Variants in MLLT10 observed in about 807,000 individuals in gnomAD.
MLLT10 encodes the protein MLLT10 histone lysine methyltransferase DOT1L cofactor.
A neutral mutation model predicts 129.1 loss-of-function variants in MLLT10; 30 were observed. That is an observed-to-expected ratio of 0.23 (90% CI 0.17 to 0.32). The LOEUF (loss-of-function observed/expected upper bound fraction) is 0.32. Among genes scored for constraint, MLLT10 ranks in the 10% least tolerant of loss-of-function variants. MLLT10 has a pLI of 1.00. For synonymous variants in MLLT10, 490 were observed against 446.4 expected (o/e 1.10, Z -1.23); for missense variants, 1,119 against 1,268.3 (o/e 0.88, Z 1.79).
rs1833761418 is a variant in MLLT10 at position 21,742,150 on chromosome 10, T to G, written c.*167T>G. ...TCTTGTAAGGCTTTGATTAGTTTTCTTGTTGCTTTGTTGCACTGAAATGGA... is the reference window on the plus strand; with the variant it reads ...TCTTGTAAGGCTTTGATTAGTTTTCGTGTTGCTTTGTTGCACTGAAATGGA... On this transcript the variant is annotated 3_prime_UTR_variant, in exon 23 of 23. Transcript: ENST00000307729. 3 of 587,914 alleles carry G rather than the reference T, an allele frequency of 5.1e-6. No individual in the cohort carries two copies. Among genetic ancestry groups the G allele is most frequent in the African/African-American group, 3.8e-5 (2 of 52,898 alleles). 36.4% of individuals were successfully genotyped at this position (587,914 alleles called of 1,614,324 possible). A position where few individuals can be genotyped will look rare whatever the true frequency, so the allele number is the denominator to read the frequency against.
Position 21,550,921 on chromosome 10 carries a change from T to C in MLLT10, c.240+12009T>C, listed in dbSNP as rs530972101. Among the ~76,000 whole-genome samples, 4 of 96,732 alleles carry C rather than the reference T, an allele frequency of 4.1e-5. No homozygotes were observed. In the East Asian group the frequency reaches 8.2e-4, roughly 20 times the overall value. The allele number at this position is 96,732 out of a possible 152,430, so 63.5% of individuals were successfully genotyped here. A position where few individuals can be genotyped will look rare whatever the true frequency, so the allele number is the denominator to read the frequency against. ...AAAAATTGTTTTCAGATTTCTTTTATCTTTAATTTTTTTTTTTTTTTTGAA... is the reference window on the plus strand; with the variant it reads ...AAAAATTGTTTTCAGATTTCTTTTACCTTTAATTTTTTTTTTTTTTTTGAA... On this transcript the variant is annotated intron_variant, in intron 3 of 22. Transcript: ENST00000307729.
chr10:21,639,122 C>CAAGAGG (rs1554827553), intron 8 of MLLT10, among the ~76,000 whole-genome samples: 6 of 152,192 alleles, frequency 3.9e-5, no homozygotes, highest in African/African-American at 1.2e-4. Context: ...CTCTCATCAC[C>CAAGAGG]AAACTGTCAA....
chr10:21,599,152 TG>T (rs1426093069), intron 5 of MLLT10, among the ~76,000 whole-genome samples: 3 of 145,534 alleles, frequency 2.1e-5, no homozygotes, highest in African/African-American at 7.6e-5. Flanking sequence ...CACCTCAGCC[TG>T]GGTGACAGAG....
intron 8 of MLLT10, among the ~76,000 whole-genome samples, chr10:21,650,504 C>G (rs1183522653): frequency 6.6e-6 from 1 of 151,888 alleles, no homozygotes; most frequent in Non-Finnish European, 1.5e-5. Flanking sequence ...AAACATCTGT[C>G]TTTAATTTGT....
intron 11 of MLLT10, among the ~76,000 whole-genome samples, chr10:21,674,420 AT>A (rs2051853088): frequency 1.3e-5 from 2 of 152,130 alleles, no homozygotes; most frequent in African/African-American, 2.4e-5. Flanking sequence ...GTGATAAATG[AT>A]TTTAATTTAT....
intron 8 of MLLT10, among the ~76,000 whole-genome samples, chr10:21,630,189 A>T (rs1197674907): frequency 6.6e-6 from 1 of 152,172 alleles, no homozygotes; most frequent in African/African-American, 2.4e-5. Flanking sequence ...CAAGTGCGTT[A>T]TTTTCAAAAG....
intron 9 of MLLT10, among the ~76,000 whole-genome samples, chr10:21,666,454 A>G (rs1209500929): frequency 6.6e-6 from 1 of 152,066 alleles, no homozygotes; most frequent in Non-Finnish European, 1.5e-5. Context: ...TCACGAGGTC[A>G]AGAGATCAAG....
chr10:21,637,255 A>G (rs569710763), intron 8 of MLLT10, among the ~76,000 whole-genome samples: 4 of 152,348 alleles, frequency 2.6e-5, no homozygotes, highest in Non-Finnish European at 5.9e-5. Flanking sequence ...AGCTTCCAAC[A>G]CAGTGTGTGG....
chr10:21,594,378 C>T (rs1350244194), intron 4 of MLLT10, among the ~76,000 whole-genome samples: 6 of 151,728 alleles, frequency 4.0e-5, no homozygotes, highest in African/African-American at 7.3e-5. Context: ...GGAGAAGCCC[C>T]ACCCCTACTA....
intron 4 of MLLT10, among the ~76,000 whole-genome samples, chr10:21,590,584 C>A (rs571809018): frequency 6.6e-6 from 1 of 152,150 alleles, no homozygotes; most frequent in Non-Finnish European, 1.5e-5. Flanking sequence ...GGTGATCCAC[C>A]CGCCTTGGCC....
chr10:21,534,806 T>G lies in MLLT10; in HGVS notation c.160+2T>G. On this transcript the variant is annotated splice_donor_variant, in intron 2 of 22. Transcript: ENST00000307729. LOFTEE classifies it high-confidence loss of function. ...GCTGCAGCGTCGCGGTGCATCAAGG[T>G]AAACACCCAACCGCCCGCCGGGGCG... The G allele has an allele frequency of 6.3e-7, 1 of 1,596,242 alleles. No individual in the cohort carries two copies. The highest frequency in any genetic ancestry group is 8.5e-7 in the Non-Finnish European group (1 of 1,171,368).
intron 3 of MLLT10, among the ~76,000 whole-genome samples, chr10:21,554,828 CT>C (rs1165485723): frequency 1.7e-3 from 247 of 142,530 alleles, no homozygotes; most frequent in Admixed American, 1.9e-3. Context: ...TTCTTTCTTT[CT>C]TTTTTTTTTT....
At chr10:21,562,809 GTTTTTTTTGTTTT>G (rs1258571522) in intron 3 of MLLT10, among the ~76,000 whole-genome samples, 7 of 76,596 alleles carry the variant, frequency 9.1e-5, no homozygotes, top group Non-Finnish European at 1.2e-4. Context: ...CATATACTTT[GTTTTTTTTGTTTT>G]TTTTTTTTTT....
chr10:21,606,110 G>C (rs1321113014), intron 5 of MLLT10, among the ~76,000 whole-genome samples: 1 of 152,010 alleles, frequency 6.6e-6, no homozygotes, highest in Non-Finnish European at 1.5e-5. Context: ...GACCTTTGAC[G>C]TTACTGTGAG....
At chr10:21,596,044 T>A (rs2042989110) in intron 5 of MLLT10, among the ~76,000 whole-genome samples, 1 of 152,070 alleles carries the variant, frequency 6.6e-6, no homozygotes, top group Non-Finnish European at 1.5e-5. Flanking sequence ...TAATTGAAGG[T>A]ACACATTCCA....
intron 9 of MLLT10, among the ~76,000 whole-genome samples, chr10:21,664,884 T>G (rs1251517816): frequency 6.6e-6 from 1 of 152,058 alleles, no homozygotes; most frequent in Non-Finnish European, 1.5e-5. Flanking sequence ...TGATGTTTCT[T>G]TTCACATGCT....
chr10:21,626,721 A>G (rs1295182799), intron 8 of MLLT10, among the ~76,000 whole-genome samples: 1 of 152,298 alleles, frequency 6.6e-6, no homozygotes, highest in Non-Finnish European at 1.5e-5. Context: ...ACTCTCAGTC[A>G]TATCATTGGA....
intron 5 of MLLT10, among the ~76,000 whole-genome samples, chr10:21,601,194 C>T (rs1166422364): frequency 6.6e-6 from 1 of 152,210 alleles, no homozygotes; most frequent in Admixed American, 6.5e-5. Context: ...AACCCCCCTG[C>T]CTTGGCCTCC....
chr10:21,606,527 C>T (rs546991224), intron 5 of MLLT10, among the ~76,000 whole-genome samples: 1 of 152,202 alleles, frequency 6.6e-6, no homozygotes, highest in South Asian at 2.1e-4. Context: ...GGGAGGAGGT[C>T]AAAATATCAA....
Sources: allele counts gnomAD v4.1 joint callset (sites outside exome capture counted in the v4.1 genomes callset), GRCh38; gene constraint gnomAD v4.1.1; transcripts MANE v1.5; gene names NCBI Gene and HGNC (gene_info 2026-07-23, HGNC 2026-07-21).